PAPPA2: variants seen among roughly 807,000 people sequenced by gnomAD.
PAPPA2 encodes the protein pappalysin 2.
PAPPA2 carries 86 observed loss-of-function variants against 176.4 expected under a neutral mutation model. The ratio of observed to expected loss-of-function variants is 0.49; its 90% CI spans 0.41 to 0.58. The LOEUF (loss-of-function observed/expected upper bound fraction) is 0.58, where lower values mean the gene tolerates loss of function less well. Among genes scored for constraint, PAPPA2 ranks in the 20% least tolerant of loss-of-function variants. The probability of loss-of-function intolerance (pLI) is 0.00; values close to 1 mark genes in which losing one functional copy is unlikely to be tolerated. For synonymous variants in PAPPA2, 809 were observed against 852.2 expected, an observed-to-expected ratio of 0.95 and a Z score of 0.88; for missense variants, 2,073 against 2,256.9, an observed-to-expected ratio of 0.92 and a Z score of 1.65.
chr1:176,637,935 CCCTTTT>C (rs1324329839), intron 3 of PAPPA2, among the ~76,000 whole-genome samples: 1 of 152,036 alleles, frequency 6.6e-6, no homozygotes, highest in Non-Finnish European at 1.5e-5. Context: ...GTCACCATGA[CCCTTTT>C]CCTTTGGGAA....
chr1:176,772,922 C>T (rs1664298543), intron 17 of PAPPA2, among the ~76,000 whole-genome samples: 1 of 151,924 alleles, frequency 6.6e-6, no homozygotes. Flanking sequence ...AGAATAGTGC[C>T]ATGAAGAATA....
chr1:176,687,034 C>A (rs1659870087), intron 4 of PAPPA2, among the ~76,000 whole-genome samples: 1 of 152,166 alleles, frequency 6.6e-6, no homozygotes, highest in Non-Finnish European at 1.5e-5. Context: ...GCACAACACT[C>A]ATCCTGAAAT....
At chr1:176,761,403 GT>G (rs935759405) in intron 14 of PAPPA2, among the ~76,000 whole-genome samples, 1 of 152,166 alleles carries the variant, frequency 6.6e-6, no homozygotes, top group African/African-American at 2.4e-5. Context: ...TTGTAATGGG[GT>G]GGGGAAAGAG....
chr1:176,551,755 A>G (rs192443044), intron 1 of PAPPA2, among the ~76,000 whole-genome samples: 1 of 152,306 alleles, frequency 6.6e-6, no homozygotes, highest in Admixed American at 6.5e-5. Flanking sequence ...CAATCTTTAG[A>G]TAAGAGGACC....
rs1470746783 is a variant in PAPPA2 at position 176,771,764 on chromosome 1, T to C, written c.4715+584T>C. Among the ~76,000 whole-genome samples the C allele has an allele frequency of 5.3e-5, 8 of 152,232 alleles. 1 individual carries two copies. Among genetic ancestry groups the C allele is most frequent in the Non-Finnish European group, 2.9e-5 (2 of 68,042 alleles). On this transcript the variant is annotated intron_variant, in intron 17 of 22. Transcript: ENST00000367662. ...CTTCCTGAATTTTACGTATGTGCAC[T>C]CCTAGACCCATGGCAAGAAACACTT...
chr1:176,659,604 T>C (rs1436687827), intron 3 of PAPPA2, among the ~76,000 whole-genome samples: 1 of 152,088 alleles, frequency 6.6e-6, no homozygotes, highest in East Asian at 1.9e-4. Flanking sequence ...GCTACCCCAG[T>C]AGGTGCATTC....
intron 16 of PAPPA2, 41 bp downstream of exon 16, chr1:176,769,825 C>A (rs1258795123): frequency 1.3e-5 from 20 of 1,534,504 alleles, no homozygotes; most frequent in African/African-American, 4.2e-5. Flanking sequence ...AAGTTCTCTG[C>A]CATCCCTCGC....
intron 12 of PAPPA2, among the ~76,000 whole-genome samples, chr1:176,723,454 T>A (rs1482552916): frequency 3.5e-5 from 5 of 143,764 alleles, no homozygotes; most frequent in Admixed American, 2.9e-4. Flanking sequence ...ATTTAGAAAG[T>A]GATTTTTAAA....
intron 1 of PAPPA2, among the ~76,000 whole-genome samples, chr1:176,511,521 T>C (rs1233663331): frequency 6.6e-6 from 1 of 152,240 alleles, no homozygotes; most frequent in Non-Finnish European, 1.5e-5. Flanking sequence ...TAACTGGTTG[T>C]GATAATTTTA....
chr1:176,480,991 C>T (rs12043847), intron 1 of PAPPA2, among the ~76,000 whole-genome samples: 92,703 of 151,946 alleles, frequency 0.61, 30,197 homozygotes, highest in East Asian at 0.93. Context: ...CACCCCACAG[C>T]GCTTTCCTCT....
At chr1:176,666,984 G>A (rs548851350) in intron 3 of PAPPA2, among the ~76,000 whole-genome samples, 3 of 152,252 alleles carry the variant, frequency 2.0e-5, no homozygotes, top group East Asian at 1.9e-4. Context: ...CGTGGCTCAC[G>A]CCTGTAATCC....
chr1:176,702,656 G>A lies in PAPPA2; in HGVS notation c.3286G>A (p.Gly1096Arg). 1 of 1,614,034 alleles carries A rather than the reference G, an allele frequency of 6.2e-7. No homozygotes were observed. The highest frequency in any genetic ancestry group is 8.5e-7 in the Non-Finnish European group (1 of 1,179,998). The part of the protein sequence containing the change: ...MYQYQVLAEA[G>R]GELGEASPPL... ...TCAGTACCAAGTTCTAGCTGAAGCT[G>A]GAGGAGAACTGGGAGAAGCTTCGCC... Residue 1096 changes from glycine (G) to arginine (R), a missense_variant, in exon 9 of 23, where the codon GGA becomes AGA. Gly to Arg is a moderately radical substitution (Grantham distance 125). Coordinates refer to ENST00000367662, the MANE Select transcript of PAPPA2 (RefSeq NM_020318.3).
chr1:176,735,631 A>T (rs1367994896), intron 12 of PAPPA2, among the ~76,000 whole-genome samples: 1 of 152,082 alleles, frequency 6.6e-6, no homozygotes, highest in East Asian at 1.9e-4. Context: ...CAGCCTTTGG[A>T]TGAAAAATCA....
At chr1:176,482,373 G>T (rs1418402721) in intron 1 of PAPPA2, among the ~76,000 whole-genome samples, 1 of 152,196 alleles carries the variant, frequency 6.6e-6, no homozygotes, top group African/African-American at 2.4e-5. Context: ...CTGTCTTATA[G>T]ATTCAACTTC....
chr1:176,535,110 G>T lies in PAPPA2; in HGVS notation c.-916-20297G>T, dbSNP rs1432944430. 2.0e-5 allele frequency among the ~76,000 whole-genome samples: 3 copies of T among 152,146 alleles called. No individual in the cohort carries two copies. The East Asian group carries it at 5.8e-4, about 29-fold the overall frequency. ...CTTCCTACAGGGTGGAGAAAAATGG[G>T]AAGAAGGAAGCAAAAAAGAGGTAAA... On this transcript the variant is annotated intron_variant, in intron 1 of 22. Transcript: ENST00000367662.
intron 14 of PAPPA2, 122 bp downstream of exon 14, chr1:176,740,318 A>T: frequency 9.8e-7 from 1 of 1,018,136 alleles, no homozygotes; most frequent in Non-Finnish European, 1.4e-6. Context: ...GAATTTAGGA[A>T]CTACTAAAAA....
At chr1:176,684,427 T>G (rs1328298589) in intron 4 of PAPPA2, among the ~76,000 whole-genome samples, 1 of 152,124 alleles carries the variant, frequency 6.6e-6, no homozygotes, top group Non-Finnish European at 1.5e-5. Context: ...GACTGAAGTG[T>G]CCTGGTATAG....
intron 3 of PAPPA2, among the ~76,000 whole-genome samples, chr1:176,639,491 A>G (rs530721116): frequency 5.3e-5 from 8 of 152,214 alleles, no homozygotes; most frequent in African/African-American, 1.4e-4. Flanking sequence ...TTCAGAAATT[A>G]ATACATTCTG....
intron 3 of PAPPA2, 96 bp downstream of exon 3, chr1:176,595,691 C>T: frequency 8.4e-7 from 1 of 1,189,102 alleles, no homozygotes; most frequent in East Asian, 2.5e-5. Flanking sequence ...TCACACACTC[C>T]CTGAATAAGA....
Sources: allele counts gnomAD v4.1 joint callset (sites outside exome capture counted in the v4.1 genomes callset), GRCh38; gene constraint gnomAD v4.1.1; transcripts MANE v1.5; gene names NCBI Gene and HGNC (gene_info 2026-07-23, HGNC 2026-07-21).